ELAVL2: variants seen among roughly 807,000 people sequenced by gnomAD.
ELAVL2 encodes ELAV-like protein 2.
In ELAVL2, 4 loss-of-function variants were observed where a neutral mutation model predicts 34.6. That is an observed-to-expected ratio of 0.12 (90% CI 0.06 to 0.26). ELAVL2 has a LOEUF of 0.26. Ranked by LOEUF, ELAVL2 falls within the 10% of genes least tolerant of loss-of-function variation. The pLI, the probability that ELAVL2 is intolerant of heterozygous loss-of-function variation, is 1.00. For missense variants in ELAVL2, 432 were observed against 442.8 expected, an observed-to-expected ratio of 0.98 and a Z score of 0.22; for synonymous variants, 193 against 154.8, an observed-to-expected ratio of 1.25 and a Z score of -1.83.
At chr9:23,844,464 ATAAAT>A in the ELAVL2 span, among the ~76,000 whole-genome samples, 1 of 152,066 alleles carries the variant, frequency 6.6e-6, no homozygotes, top group African/African-American at 2.4e-5. Context: ...AGATTTAATG[ATAAAT>A]TAAGCACTAA....
intron 1 of ELAVL2, among the ~76,000 whole-genome samples, chr9:23,776,535 C>T (rs1046588880): frequency 1.3e-5 from 2 of 152,126 alleles, no homozygotes; most frequent in African/African-American, 4.8e-5. Flanking sequence ...TGATCTACTG[C>T]ATGTACCAAG....
chr9:23,797,110 G>A (rs1310507250), intron 1 of ELAVL2, among the ~76,000 whole-genome samples: 3 of 152,096 alleles, frequency 2.0e-5, no homozygotes, highest in African/African-American at 7.2e-5. Flanking sequence ...GCTACCATCT[G>A]CCCAGCTGAG....
At chr9:23,758,623 G>A (rs1190237983) in intron 2 of ELAVL2, among the ~76,000 whole-genome samples, 2 of 152,078 alleles carry the variant, frequency 1.3e-5, no homozygotes, top group Non-Finnish European at 2.9e-5. Context: ...AAACTGGTCT[G>A]ATAACCAGTT....
intron 1 of ELAVL2, among the ~76,000 whole-genome samples, chr9:23,790,774 G>A (rs1052339461): frequency 1.3e-5 from 2 of 152,158 alleles, no homozygotes; most frequent in African/African-American, 2.4e-5. Context: ...ACCTCATTAA[G>A]TTCTGACTTG....
chr9:23,728,443 C>G (rs990772308), intron 3 of ELAVL2, among the ~76,000 whole-genome samples: 1 of 152,076 alleles, frequency 6.6e-6, no homozygotes, highest in Non-Finnish European at 1.5e-5. Flanking sequence ...AAGAGCCAGT[C>G]TGAGAACAGT....
Position 23,757,713 on chromosome 9 carries a change from A to C in ELAVL2, c.229+4293T>G, listed in dbSNP as rs12339555. On this transcript the variant is annotated intron_variant, in intron 2 of 6. Coordinates refer to ENST00000397312, the MANE Select transcript of ELAVL2 (RefSeq NM_004432.5). Reference sequence around the variant, plus strand: ...CTATAGATAGGAAACAGGCTGAAGCATACAGCTGGGCAGAAGCCCAAAGAG... The same window carrying C: ...CTATAGATAGGAAACAGGCTGAAGCCTACAGCTGGGCAGAAGCCCAAAGAG... Among the ~76,000 whole-genome samples, 722 of 152,214 alleles carry C rather than the reference A, an allele frequency of 4.7e-3. 6 individuals carry two copies. Among genetic ancestry groups the C allele is most frequent in the African/African-American group, 0.016 (676 of 41,548 alleles).
intron 1 of ELAVL2, among the ~76,000 whole-genome samples, chr9:23,792,771 TTTTTC>T (rs1237705704): frequency 8.5e-5 from 13 of 152,132 alleles, no homozygotes; most frequent in Non-Finnish European, 1.6e-4. Flanking sequence ...TTTTTTCATA[TTTTTC>T]TTTTATTTTT....
At chr9:23,697,991 GA>G (rs1395151360) in intron 5 of ELAVL2, among the ~76,000 whole-genome samples, 1 of 151,896 alleles carries the variant, frequency 6.6e-6, no homozygotes, top group Admixed American at 6.6e-5. Flanking sequence ...TAAGAAAGAG[GA>G]AAAGTATTCA....
chr9:23,701,582 A>G lies in ELAVL2; in HGVS notation c.510T>C (p.Phe170=), dbSNP rs1232606774. 6.2e-7 allele frequency: 1 copy of G among 1,614,136 alleles called. No individual in the cohort carries two copies. The highest frequency in any genetic ancestry group is 8.5e-7 in the Non-Finnish European group (1 of 1,179,978). ...QVTGISRGVG[F]IRFDKRIEAE... Reference sequence around the variant, plus strand: ...CCTCAATTCGCTTGTCAAATCGAATAAACCCTACACCCCTTGATATGCCTA... The same window carrying G: ...CCTCAATTCGCTTGTCAAATCGAATGAACCCTACACCCCTTGATATGCCTA... Residue 170 remains phenylalanine, a synonymous_variant, in exon 5 of 7, where the codon TTT becomes TTC. Transcript: ENST00000397312.
chr9:23,725,707 G>A (rs2044950004), intron 3 of ELAVL2, among the ~76,000 whole-genome samples: 1 of 152,106 alleles, frequency 6.6e-6, no homozygotes, highest in Admixed American at 6.6e-5. Flanking sequence ...AGTTTACAGT[G>A]GCTATTAAAC....
chr9:23,711,391 T>A (rs1159358016), intron 3 of ELAVL2, among the ~76,000 whole-genome samples: 2 of 152,192 alleles, frequency 1.3e-5, no homozygotes, highest in Non-Finnish European at 2.9e-5. Flanking sequence ...GATAATGTCA[T>A]CCTCAACTTA....
intron 1 of ELAVL2, among the ~76,000 whole-genome samples, chr9:23,777,885 A>G (rs1040513028): frequency 6.6e-6 from 1 of 152,228 alleles, no homozygotes; most frequent in Admixed American, 6.5e-5. Context: ...CAAAATGGAA[A>G]CAAGTGAATC....
intron 2 of ELAVL2, among the ~76,000 whole-genome samples, chr9:23,737,314 C>T (rs1206629277): frequency 6.6e-6 from 1 of 152,128 alleles, no homozygotes; most frequent in Non-Finnish European, 1.5e-5. Flanking sequence ...TACATTGTAC[C>T]AGATGGATTA....
the ELAVL2 span, among the ~76,000 whole-genome samples, chr9:23,841,610 A>G: frequency 3.9e-5 from 6 of 152,146 alleles, no homozygotes; most frequent in Admixed American, 3.9e-4. Flanking sequence ...ATTCAACATC[A>G]TGTATTGGCA....
chr9:23,750,031 G>GAAAAAAAAAAAAAAA (rs10718431), intron 2 of ELAVL2, among the ~76,000 whole-genome samples: 1 of 136,624 alleles, frequency 7.3e-6, no homozygotes. Context: ...CTTAAAAAAG[G>GAAAAAAAAAAAAAAA]AAAAAAAAAA....
chr9:23,790,548 A>G (rs947816168), intron 1 of ELAVL2, among the ~76,000 whole-genome samples: 1 of 152,210 alleles, frequency 6.6e-6, no homozygotes, highest in Non-Finnish European at 1.5e-5. Flanking sequence ...CTGTCACCAT[A>G]AAGCTCAACG....
Position 23,691,378 on chromosome 9 carries a change from C to G in ELAVL2, c.*1179G>C, listed in dbSNP as rs1251013790. On this transcript the variant is annotated 3_prime_UTR_variant, in exon 7 of 7. Coordinates refer to ENST00000397312, the MANE Select transcript of ELAVL2 (RefSeq NM_004432.5). The stretch of plus-strand genomic sequence containing the variant: ...CTTCAAATATATCCAACTCAGATCA[C>G]TTTTGCTGATTTGCTGCAGTACAAA... 6.6e-6 allele frequency: 1 copy of G among 152,578 alleles called. No individual in the cohort carries two copies. Among genetic ancestry groups the G allele is most frequent in the Non-Finnish European group, 1.5e-5 (1 of 68,008 alleles). 9.5% of individuals were successfully genotyped at this position (152,578 alleles called of 1,614,324 possible). A position where few individuals can be genotyped will look rare whatever the true frequency, so the allele number is the denominator to read the frequency against.
chr9:23,746,274 G>C (rs1248533567), intron 2 of ELAVL2, among the ~76,000 whole-genome samples: 1 of 151,976 alleles, frequency 6.6e-6, no homozygotes, highest in Non-Finnish European at 1.5e-5. Flanking sequence ...TTCTCTTATA[G>C]GTCAAATTGA....
At chr9:23,754,524 T>A (rs1052226259) in intron 2 of ELAVL2, among the ~76,000 whole-genome samples, 4 of 152,080 alleles carry the variant, frequency 2.6e-5, no homozygotes, top group Admixed American at 6.6e-5. Flanking sequence ...GGTGGCACGA[T>A]CTCAGTTCAC....
Sources: gnomAD v4.1 joint callset for allele counts (sites outside exome capture counted in the v4.1 genomes callset) on GRCh38, gnomAD v4.1.1 for gene constraint, MANE v1.5 for transcripts, NCBI Gene and HGNC (gene_info 2026-07-23, HGNC 2026-07-21) for gene names.